NCOA2: variants seen among roughly 807,000 people sequenced by gnomAD.
NCOA2 encodes nuclear receptor coactivator 2, also known as class E basic helix-loop-helix protein 75.
Under a neutral mutation model 145.1 loss-of-function variants are expected in NCOA2, and 21 were observed. The observed-to-expected ratio is 0.14, with a 90% CI of 0.10 to 0.21. NCOA2 has a LOEUF of 0.21. NCOA2 is among the 10% of genes least tolerant of loss of function. The pLI is 1.00. For synonymous variants in NCOA2, 619 were observed against 637.5 expected (o/e 0.97, Z 0.44); for missense variants, 1,472 against 1,837.6 (o/e 0.80, Z 3.64).
intron 1 of NCOA2, among the ~76,000 whole-genome samples, chr8:70,399,958 T>C (rs1038400775): frequency 3.3e-5 from 5 of 152,220 alleles, no homozygotes; most frequent in East Asian, 1.9e-4. Context: ...GGGCATATAA[T>C]GGAAGGACTG....
intron 22 of NCOA2, among the ~76,000 whole-genome samples, chr8:70,119,932 T>C (rs1482791637): frequency 6.6e-6 from 1 of 151,798 alleles, no homozygotes; most frequent in Non-Finnish European, 1.5e-5. Context: ...TGCAATGGCA[T>C]GGTCTCCACT....
intron 1 of NCOA2, among the ~76,000 whole-genome samples, chr8:70,382,900 T>C (rs2131463291): frequency 6.6e-6 from 1 of 152,282 alleles, no homozygotes; most frequent in African/African-American, 2.4e-5. Context: ...CAAATATGAG[T>C]TGATATGGCA....
chr8:70,332,691 T>G (rs1048036957), intron 1 of NCOA2, among the ~76,000 whole-genome samples: 3 of 152,226 alleles, frequency 2.0e-5, no homozygotes, highest in Non-Finnish European at 4.4e-5. Flanking sequence ...CTAATTATTT[T>G]TTTCCATTTT....
chr8:70,159,690 A>C (rs1261634731), intron 9 of NCOA2, 38 bp from the exon 10 acceptor site: 1 of 1,581,664 alleles, frequency 6.3e-7, no homozygotes, highest in East Asian at 2.2e-5. Flanking sequence ...ACGTTTAGAA[A>C]AAAAAATTGA....
the NCOA2 span, among the ~76,000 whole-genome samples, chr8:70,431,208 A>G: frequency 7.2e-5 from 11 of 152,038 alleles, no homozygotes; most frequent in African/African-American, 2.6e-4. Context: ...AATTAAATAA[A>G]TATTTTATTA....
At chr8:70,321,149 GT>G (rs1806019115) in intron 1 of NCOA2, among the ~76,000 whole-genome samples, 1 of 152,042 alleles carries the variant, frequency 6.6e-6, no homozygotes, top group Admixed American at 6.6e-5. Context: ...GTTTTCTATT[GT>G]TTTGCATTTT....
chr8:70,381,071 C>CA lies in NCOA2; in HGVS notation c.-77+22628dup, dbSNP rs879538664. 7.7e-3 allele frequency among the ~76,000 whole-genome samples: 795 copies of CA among 102,780 alleles called. 2 individuals carry two copies. Among genetic ancestry groups the CA allele is most frequent in the South Asian group, 0.013 (44 of 3,334 alleles). The allele number at this position is 102,780 out of a possible 152,430, so 67.4% of individuals were successfully genotyped here. A position where few individuals can be genotyped will look rare whatever the true frequency, so the allele number is the denominator to read the frequency against. ...TGGGCAACTGAGCAAGACACTGTCTCAAAAAAAAAAAAAAATGCCTATAGG... is the reference window on the plus strand; with the variant it reads ...TGGGCAACTGAGCAAGACACTGTCTCAAAAAAAAAAAAAAAATGCCTATAGG... On this transcript the variant is annotated intron_variant, in intron 1 of 22. Transcript: ENST00000452400.
chr8:70,377,836 A>G (rs1448097897), intron 1 of NCOA2, among the ~76,000 whole-genome samples: 1 of 152,212 alleles, frequency 6.6e-6, no homozygotes, highest in Non-Finnish European at 1.5e-5. Flanking sequence ...TTATAAATCT[A>G]AATTAAATGG....
intron 2 of NCOA2, among the ~76,000 whole-genome samples, chr8:70,253,570 AC>A (rs1349659760): frequency 6.6e-6 from 1 of 151,626 alleles, no homozygotes. Flanking sequence ...CCAGAAAAAA[AC>A]AAAACAAAAC....
intron 1 of NCOA2, among the ~76,000 whole-genome samples, chr8:70,396,389 CTT>C (rs1290238291): frequency 6.6e-6 from 1 of 152,226 alleles, no homozygotes; most frequent in African/African-American, 2.4e-5. Context: ...ACTCCCTACT[CTT>C]TTCCTTTTCA....
intron 1 of NCOA2, among the ~76,000 whole-genome samples, chr8:70,314,591 G>A (rs1489520739): frequency 6.6e-6 from 1 of 152,164 alleles, no homozygotes; most frequent in Non-Finnish European, 1.5e-5. Context: ...ATTGAAAAGT[G>A]AGGGTTTTGA....
At chr8:70,222,070 T>C (rs73684229) in intron 2 of NCOA2, among the ~76,000 whole-genome samples, 3,445 of 152,284 alleles carry the variant, frequency 0.023, 128 homozygotes, top group African/African-American at 0.078. Flanking sequence ...TCACATACTA[T>C]AGTCTGTATC....
At chr8:70,184,544 C>CT (rs1815838545) in intron 4 of NCOA2, among the ~76,000 whole-genome samples, 1 of 152,048 alleles carries the variant, frequency 6.6e-6, no homozygotes, top group South Asian at 2.1e-4. Flanking sequence ...TATAAAGCAG[C>CT]GCTTTATAGG....
intron 1 of NCOA2, among the ~76,000 whole-genome samples, chr8:70,335,141 AAAAAAAAAAAAAG>A (rs1807463415): frequency 6.7e-6 from 1 of 148,494 alleles, no homozygotes; most frequent in Non-Finnish European, 1.5e-5. Context: ...AAAAAAAAAA[AAAAAAAAAAAAAG>A]ATCTCTCCCT....
chr8:70,143,878 T>C (rs1810734701), intron 13 of NCOA2, among the ~76,000 whole-genome samples: 1 of 152,238 alleles, frequency 6.6e-6, no homozygotes, highest in Non-Finnish European at 1.5e-5. Context: ...CAGCTTTGCA[T>C]TAGAAAACAG....
chr8:70,435,424 C>CAAAAAAAAAAAAAAA, the NCOA2 span, among the ~76,000 whole-genome samples: 8 of 20,154 alleles, frequency 4.0e-4, no homozygotes, highest in African/African-American at 1.1e-3. Context: ...GACTCCGTCT[C>CAAAAAAAAAAAAAAA]AAAAAAAAAA....
intron 9 of NCOA2, among the ~76,000 whole-genome samples, chr8:70,161,060 C>T (rs539762164): frequency 2.6e-5 from 4 of 152,326 alleles, no homozygotes; most frequent in South Asian, 4.1e-4. Context: ...TCTGTGAGCA[C>T]GCACCTGAAC....
At chr8:70,415,605 C>A in the NCOA2 span, among the ~76,000 whole-genome samples, 1 of 152,016 alleles carries the variant, frequency 6.6e-6, no homozygotes, top group East Asian at 1.9e-4. Context: ...TAATTGTGGG[C>A]GGGAATATTG....
At chr8:70,218,183 T>C (rs1364301173) in intron 2 of NCOA2, among the ~76,000 whole-genome samples, 1 of 146,928 alleles carries the variant, frequency 6.8e-6, no homozygotes, top group Non-Finnish European at 1.5e-5. Flanking sequence ...TCTGATACAA[T>C]AGCGCAGTGG....
Sources: gnomAD v4.1 joint callset for allele counts (sites outside exome capture counted in the v4.1 genomes callset) on GRCh38, gnomAD v4.1.1 for gene constraint, MANE v1.5 for transcripts, NCBI Gene and HGNC (gene_info 2026-07-23, HGNC 2026-07-21) for gene names.